Variants in NLGN4X observed in about 807,000 individuals in gnomAD.
NLGN4X encodes neuroligin 4 X-linked.
In NLGN4X, 3 loss-of-function variants were observed where a neutral mutation model predicts 40.3. The observed-to-expected ratio is 0.07, with a 90% CI of 0.03 to 0.19. NLGN4X has a LOEUF of 0.19. Among genes scored for constraint, NLGN4X ranks in the 10% least tolerant of loss-of-function variants. NLGN4X has a pLI of 1.00. For synonymous variants in NLGN4X, 270 were observed against 306.8 expected (o/e 0.88, Z 1.25); for missense variants, 382 against 708.3 (o/e 0.54, Z 5.23).
intron 2 of NLGN4X, among the ~76,000 whole-genome samples, chrX:6,044,826 A>G (rs1243533093): frequency 8.9e-6 from 1 of 112,321 alleles, no homozygotes; most frequent in Non-Finnish European, 1.9e-5. Flanking sequence ...AACTGCGCTA[A>G]TAAAGTCTTA....
chrX:6,100,559 C>G (rs751500527), intron 2 of NLGN4X, among the ~76,000 whole-genome samples: 1 of 111,712 alleles, frequency 9.0e-6, no homozygotes, highest in African/African-American at 3.3e-5. Flanking sequence ...AGTGGGAGCT[C>G]CGTGGAGGGA....
chrX:6,114,288 C>T, intron 2 of NLGN4X, among the ~76,000 whole-genome samples: 1 of 111,491 alleles, frequency 9.0e-6, no homozygotes, highest in Non-Finnish European at 1.9e-5. Flanking sequence ...AGTCACTTTA[C>T]TTATTTAGTT....
chrX:6,093,489 A>G (rs1435762148), intron 2 of NLGN4X, among the ~76,000 whole-genome samples: 4 of 111,995 alleles, frequency 3.6e-5, no homozygotes, highest in African/African-American at 1.3e-4. Context: ...AAATACAGAA[A>G]AAGAACAAAC....
intron 3 of NLGN4X, among the ~76,000 whole-genome samples, chrX:5,925,168 A>G (rs73627031): frequency 0.014 from 1,569 of 111,698 alleles, 21 homozygotes; most frequent in African/African-American, 0.048. Flanking sequence ...CATCAACCAC[A>G]CTAAACACTT....
At chrX:6,223,838 T>C (rs1225716748) in intron 1 of NLGN4X, among the ~76,000 whole-genome samples, 5 of 112,962 alleles carry the variant, frequency 4.4e-5, no homozygotes, top group Admixed American at 1.9e-4. Context: ...TTCAAATCTG[T>C]CTGAATATCC....
chrX:6,211,520 TATAG>T (rs2147879296), intron 1 of NLGN4X, among the ~76,000 whole-genome samples: 1 of 111,942 alleles, frequency 8.9e-6, no homozygotes, highest in African/African-American at 3.2e-5. Context: ...TTCAAAATGG[TATAG>T]ATAGAGATAT....
intron 4 of NLGN4X, among the ~76,000 whole-genome samples, chrX:5,905,956 T>C (rs952249630): frequency 5.3e-5 from 6 of 112,271 alleles, no homozygotes; most frequent in Admixed American, 9.5e-5. Context: ...CCTCAGTGCC[T>C]GGCTTGTATT....
chrX:5,934,848 A>G (rs1421196451), intron 3 of NLGN4X, among the ~76,000 whole-genome samples: 1 of 112,601 alleles, frequency 8.9e-6, no homozygotes, highest in African/African-American at 3.2e-5. Flanking sequence ...CAAGAAGTCA[A>G]TATGTAATGT....
chrX:6,028,066 C>T (rs1030510283), intron 3 of NLGN4X, among the ~76,000 whole-genome samples: 8 of 110,710 alleles, frequency 7.2e-5, no homozygotes, highest in Non-Finnish European at 1.5e-4. Flanking sequence ...ATCTGCCTGC[C>T]TGGGCCTCCC....
intron 1 of NLGN4X, among the ~76,000 whole-genome samples, chrX:6,152,649 A>C (rs1021702843): frequency 8.9e-6 from 1 of 112,246 alleles, no homozygotes; most frequent in African/African-American, 3.2e-5. Context: ...GGTCAAGTGC[A>C]TATATATTTA....
At chrX:6,053,840 T>C (rs962097681) in intron 2 of NLGN4X, among the ~76,000 whole-genome samples, 27 of 112,370 alleles carry the variant, frequency 2.4e-4, no homozygotes, top group Non-Finnish European at 1.9e-4. Flanking sequence ...TTCATGGCTA[T>C]TAAACAGCAA....
intron 3 of NLGN4X, among the ~76,000 whole-genome samples, chrX:5,912,649 G>T (rs1388385300): frequency 9.2e-6 from 1 of 109,059 alleles, no homozygotes; most frequent in Non-Finnish European, 1.9e-5. Context: ...TATGAGCCCA[G>T]AAAGTTAGCA....
At chrX:5,923,733 C>T (rs762597164) in intron 3 of NLGN4X, among the ~76,000 whole-genome samples, 5 of 111,882 alleles carry the variant, frequency 4.5e-5, no homozygotes, top group Admixed American at 1.9e-4. Context: ...GAATTCAAGA[C>T]GAGATTTGGG....
intron 2 of NLGN4X, among the ~76,000 whole-genome samples, chrX:6,031,034 C>G (rs181925576): frequency 2.7e-5 from 3 of 111,854 alleles, no homozygotes; most frequent in Non-Finnish European, 5.6e-5. Context: ...AAATATAGAA[C>G]AAGACTCTCT....
At chrX:6,210,479 T>A (rs763008118) in intron 1 of NLGN4X, among the ~76,000 whole-genome samples, 1 of 111,156 alleles carries the variant, frequency 9.0e-6, no homozygotes, top group East Asian at 2.8e-4. Flanking sequence ...GTCTTCAAAA[T>A]AAAACCTTGT....
Position 6,029,430 on chromosome X carries a change from T to C in NLGN4X, c.475A>G (p.Ile159Val), listed in dbSNP as rs1298761220. ...GGCTTCTTACTGTTCTGATCATGAATATCTGGAAAAAAAAGCCAAGTAAGG... is the reference window on the plus strand; with the variant it reads ...GGCTTCTTACTGTTCTGATCATGAACATCTGGAAAAAAAAGCCAAGTAAGG... ...LNIYVPTEDD[I>V]HDQNSKKPVM... The change falls in exon 3 of 6, where the codon ATT becomes GTT. Residue 159 changes from isoleucine to valine, a missense_variant and splice_region_variant. Ile to Val is a conservative substitution (Grantham distance 29, BLOSUM62 3). Coordinates refer to ENST00000381095, the MANE Select transcript of NLGN4X (RefSeq NM_181332.3). 1.7e-6 allele frequency: 2 copies of C among 1,207,803 alleles called. No individual in the cohort carries two copies.
At chrX:5,911,725 C>T (rs931322176) in intron 3 of NLGN4X, among the ~76,000 whole-genome samples, 1 of 111,876 alleles carries the variant, frequency 8.9e-6, no homozygotes, top group African/African-American at 3.3e-5. Flanking sequence ...AGAGTATAGT[C>T]CTTTCACCTT....
intron 2 of NLGN4X, among the ~76,000 whole-genome samples, chrX:6,094,396 G>A (rs1468199863): frequency 9.1e-6 from 1 of 110,395 alleles, no homozygotes. Flanking sequence ...GTCCCAGCTG[G>A]GACCAGCTTC....
At chrX:5,945,491 T>C (rs765983347) in intron 3 of NLGN4X, among the ~76,000 whole-genome samples, 68 of 111,937 alleles carry the variant, frequency 6.1e-4, no homozygotes, top group African/African-American at 2.2e-3. Flanking sequence ...GGGATCACAT[T>C]TGGAAGCGAA....
Sources: allele counts gnomAD v4.1 joint callset (sites outside exome capture counted in the v4.1 genomes callset), GRCh38; gene constraint gnomAD v4.1.1; transcripts MANE v1.5; gene names NCBI Gene and HGNC (gene_info 2026-07-23, HGNC 2026-07-21).